The following PHF21B variants were observed in gnomAD, a reference collection of about 807,000 sequenced individuals.
The protein encoded by PHF21B is PHD finger protein 4.
In PHF21B, 22 loss-of-function variants were observed where a neutral mutation model predicts 62.2. The observed-to-expected ratio is 0.35, with a 90% CI of 0.25 to 0.51. The LOEUF (loss-of-function observed/expected upper bound fraction) is 0.51, where lower values mean the gene tolerates loss of function less well. Among genes scored for constraint, PHF21B ranks in the 20% least tolerant of loss-of-function variants. The pLI is 0.97. For missense variants in PHF21B, 701 were observed against 707.9 expected, an observed-to-expected ratio of 0.99 and a Z score of 0.11; for synonymous variants, 341 against 314.7, an observed-to-expected ratio of 1.08 and a Z score of -0.88.
At chr22:44,920,262 G>GTTC in intron 3 of PHF21B, 136 bp downstream of exon 3, 1 of 516,976 alleles carries the variant, frequency 1.9e-6, no homozygotes. Flanking sequence ...AGAGGTAAGA[G>GTTC]GGGAAGGTGC....
chr22:44,883,618 C>T (rs3747225), intron 12 of PHF21B, among the ~76,000 whole-genome samples: 46,197 of 152,050 alleles, frequency 0.3, 8,647 homozygotes, highest in Non-Finnish European at 0.41. Flanking sequence ...GCTGGCCAAA[C>T]TGCAGCAGCC....
chr22:44,991,946 G>T (rs553257293), intron 2 of PHF21B, among the ~76,000 whole-genome samples: 1 of 152,340 alleles, frequency 6.6e-6, no homozygotes, highest in East Asian at 1.9e-4. Flanking sequence ...CTTTTTTAAT[G>T]AAGCTGTTGG....
chr22:44,978,396 G>A (rs1401048240), intron 2 of PHF21B, among the ~76,000 whole-genome samples: 1 of 152,164 alleles, frequency 6.6e-6, no homozygotes, highest in East Asian at 1.9e-4. Flanking sequence ...GACTCCCTGC[G>A]ATGCCCAGGC....
intron 2 of PHF21B, among the ~76,000 whole-genome samples, chr22:44,983,570 C>A (rs1737833851): frequency 6.6e-6 from 1 of 152,154 alleles, no homozygotes; most frequent in African/African-American, 2.4e-5. Flanking sequence ...CACCAAAGGG[C>A]AGGCGAGGGA....
Position 44,882,251 on chromosome 22 carries a change from C to T in PHF21B, c.*835G>A, listed in dbSNP as rs1160390773. On this transcript the variant is annotated 3_prime_UTR_variant, in exon 13 of 13. Transcript: ENST00000313237. ...CAAGGAGAAAACCTGCCAAATGCTG[C>T]CCCCCACAACAGGGTTGCAGCTCCA... 6.6e-6 allele frequency: 1 copy of T among 152,580 alleles called. No individual in the cohort carries two copies. The highest frequency in any genetic ancestry group is 2.4e-5 in the African/African-American group (1 of 41,412). 9.5% of individuals were successfully genotyped at this position (152,580 alleles called of 1,614,324 possible).
At chr22:44,973,545 C>T (rs2072678729) in intron 2 of PHF21B, among the ~76,000 whole-genome samples, 1 of 152,116 alleles carries the variant, frequency 6.6e-6, no homozygotes, top group South Asian at 2.1e-4. Context: ...TGAGTGGGGG[C>T]TACCTCAAGA....
At chr22:44,942,184 G>C (rs1411434131) in intron 2 of PHF21B, among the ~76,000 whole-genome samples, 1 of 152,174 alleles carries the variant, frequency 6.6e-6, no homozygotes, top group South Asian at 2.1e-4. Flanking sequence ...AGCCAGACTC[G>C]GGACAGGAGC....
At chr22:44,966,468 C>T (rs888956059) in intron 2 of PHF21B, among the ~76,000 whole-genome samples, 3 of 152,194 alleles carry the variant, frequency 2.0e-5, no homozygotes, top group Admixed American at 6.5e-5. Flanking sequence ...GCCACTGCAG[C>T]GTCCCTGTGA....
At chr22:44,923,810 G>A (rs1352468274) in intron 2 of PHF21B, among the ~76,000 whole-genome samples, 3 of 151,766 alleles carry the variant, frequency 2.0e-5, no homozygotes, top group Non-Finnish European at 4.4e-5. Flanking sequence ...TTGAGGCCAG[G>A]AGTTCAAAAC....
At chr22:44,941,024 G>T (rs1360459889) in intron 2 of PHF21B, among the ~76,000 whole-genome samples, 1 of 152,190 alleles carries the variant, frequency 6.6e-6, no homozygotes, top group Admixed American at 6.5e-5. Flanking sequence ...CATGAGCAGC[G>T]GGATTCGTGA....
In PHF21B at chr22:44,881,337, A is replaced by C. The variant is rs752990880; in HGVS notation, c.*1749T>G. On this transcript the variant is annotated 3_prime_UTR_variant, in exon 13 of 13. Coordinates refer to ENST00000313237, the MANE Select transcript of PHF21B (RefSeq NM_138415.5). ...CTACCCCTCCCGGGTCCAACCTTTC[A>C]GATCCTCCCATTACACTGTTAAAAC... is the stretch of plus-strand genomic sequence containing the variant. 1 of 152,654 alleles carries C rather than the reference A, an allele frequency of 6.6e-6. No homozygotes were observed. The highest frequency in any genetic ancestry group is 2.4e-5 in the African/African-American group (1 of 41,468). The allele number at this position is 152,654 out of a possible 1,614,324, so 9.5% of individuals were successfully genotyped here. A position where few individuals can be genotyped will look rare whatever the true frequency, so the allele number is the denominator to read the frequency against.
rs3087031 is a variant in PHF21B, at chr22:44,912,878, C to CAAAAAAAAAAAAAAA, written c.831+929_831+943dup. On this transcript the variant is annotated intron_variant, in intron 5 of 12. Coordinates refer to ENST00000313237, the MANE Select transcript of PHF21B (RefSeq NM_138415.5). ...TGGCTCAAAGAGTCAGACTCTATCT[C>CAAAAAAAAAAAAAAA]AAAAAAAAAAAAAAAAAAAGACAAA... Among the ~76,000 whole-genome samples the CAAAAAAAAAAAAAAA allele has an allele frequency of 2.7e-3, 125 of 45,556 alleles. 12 individuals carry two copies. Among genetic ancestry groups the CAAAAAAAAAAAAAAA allele is most frequent in the Middle Eastern group, 0.015 (1 of 66 alleles). 29.9% of individuals were successfully genotyped at this position (45,556 alleles called of 152,430 possible).
At position 45,009,752 on chromosome 22, in the gene PHF21B, C is replaced by T. The variant is rs892945023; in HGVS notation, c.-203G>A. 1 of 440,518 alleles carries T rather than the reference C, an allele frequency of 2.3e-6. No individual in the cohort carries two copies. The highest frequency in any genetic ancestry group is 4.0e-6 in the Non-Finnish European group (1 of 251,104). The allele number at this position is 440,518 out of a possible 1,614,324, so 27.3% of individuals were successfully genotyped here. On this transcript the variant is annotated 5_prime_UTR_variant, in exon 1 of 13. Transcript: ENST00000313237. This position sits in a 1 kb window ranked among gnomAD's most constrained non-coding sequence, Gnocchi z 5.9. ...CTTCCGGGCGCCGCGGCGCCGAGCCCTCGGCTGCCCCAACTCCTCAGGCTG... is the reference window on the plus strand; with the variant it reads ...CTTCCGGGCGCCGCGGCGCCGAGCCTTCGGCTGCCCCAACTCCTCAGGCTG...
At chr22:44,999,888 A>G (rs1342305309) in intron 2 of PHF21B, among the ~76,000 whole-genome samples, 1 of 152,016 alleles carries the variant, frequency 6.6e-6, no homozygotes, top group East Asian at 1.9e-4. Flanking sequence ...GCGTCAGGAC[A>G]CGTCATCAGT....
intron 5 of PHF21B, among the ~76,000 whole-genome samples, chr22:44,912,872 C>CT (rs1308181500): frequency 2.6e-4 from 1 of 3,888 alleles, no homozygotes; most frequent in Non-Finnish European, 5.4e-4. Context: ...GAGTCAGACT[C>CT]TATCTCAAAA....
rs73889879 is a variant in PHF21B, at chr22:44,950,537, G to C, written c.121-30047C>G. 5.2e-3 allele frequency among the ~76,000 whole-genome samples: 798 copies of C among 152,172 alleles called. 8 individuals are homozygous for C. The highest frequency in any genetic ancestry group is 0.018 in the African/African-American group (764 of 41,512). Reference sequence around the variant, plus strand: ...TCAGTGCAGACACAGTCAACTAAGTGGTGGCCTTCAATCATTGCTTCTGTT... The same window carrying C: ...TCAGTGCAGACACAGTCAACTAAGTCGTGGCCTTCAATCATTGCTTCTGTT... On this transcript the variant is annotated intron_variant, in intron 2 of 12. Transcript: ENST00000313237.
At chr22:44,962,391 C>T (rs989260394) in intron 2 of PHF21B, among the ~76,000 whole-genome samples, 1 of 152,238 alleles carries the variant, frequency 6.6e-6, no homozygotes. Context: ...TGCTGAACAT[C>T]ATAGCCTAGC....
At chr22:44,922,661 G>A (rs1002812469) in intron 2 of PHF21B, among the ~76,000 whole-genome samples, 34 of 152,146 alleles carry the variant, frequency 2.2e-4, no homozygotes, top group African/African-American at 8.2e-4. Flanking sequence ...AATCAGTTGT[G>A]TTTCTATACA....
intron 2 of PHF21B, among the ~76,000 whole-genome samples, chr22:44,923,585 TG>T (rs962802121): frequency 2.6e-5 from 4 of 152,212 alleles, no homozygotes; most frequent in Admixed American, 2.0e-4. Context: ...GGCCACACCC[TG>T]GAAAAAAACA....
Sources: allele counts gnomAD v4.1 joint callset (sites outside exome capture counted in the v4.1 genomes callset), GRCh38; gene constraint gnomAD v4.1.1; non-coding constraint Gnocchi (gnomAD v3.1); transcripts MANE v1.5; gene names NCBI Gene and HGNC (gene_info 2026-07-23, HGNC 2026-07-21).